RBBP6: variants seen among roughly 807,000 people sequenced by gnomAD.
RBBP6 encodes RB binding protein 6, ubiquitin ligase, also known as E3 ubiquitin-protein ligase RBBP6.
RBBP6 carries 25 observed loss-of-function variants against 167.7 expected under a neutral mutation model. The ratio of observed to expected loss-of-function variants is 0.15; its 90% CI spans 0.11 to 0.21. The LOEUF (loss-of-function observed/expected upper bound fraction) is 0.21, where lower values mean the gene tolerates loss of function less well. Among genes scored for constraint, RBBP6 ranks in the 10% least tolerant of loss-of-function variants. The pLI is 1.00. For synonymous variants in RBBP6, 789 were observed against 735.8 expected (o/e 1.07, Z -1.17); for missense variants, 1,868 against 2,134.2 (o/e 0.88, Z 2.46).
Position 24,569,629 on chromosome 16 carries a change from G to C in RBBP6, c.2939G>C (p.Arg980Thr), listed in dbSNP as rs1301181840. The C allele has an allele frequency of 6.2e-7, 1 of 1,612,544 alleles. No homozygotes were observed. The highest frequency in any genetic ancestry group is 1.7e-4 in the Middle Eastern group (1 of 6,054). The change falls in exon 17 of 18, where the codon AGA becomes ACA. Residue 980 changes from arginine to threonine, a missense_variant. By Grantham distance (71) the Arg-to-Thr change is moderately conservative. This residue lies in a region of RBBP6 where 673 missense variants were observed against 691.5 expected (regional missense o/e 0.97). Coordinates refer to ENST00000319715, the MANE Select transcript of RBBP6 (RefSeq NM_006910.5). ...KTDSLFVLPS[R>T]DDATPVRDEP... ...GACTCATTGTTTGTTCTCCCAAGTA[G>C]AGATGATGCCACACCTGTTAGAGAT...
intron 3 of RBBP6, 97 bp from the exon 4 acceptor site, chr16:24,553,416 C>A (rs2141463288): frequency 2.0e-6 from 2 of 989,546 alleles, no homozygotes; most frequent in Non-Finnish European, 1.6e-6. Context: ...AGAAAATGCC[C>A]AATATTTCAA....
Position 24,569,596 on chromosome 16 carries a change from A to C in RBBP6, c.2906A>C (p.Asn969Thr). 1 of 1,612,398 alleles carries C rather than the reference A, an allele frequency of 6.2e-7. No homozygotes were observed. Among genetic ancestry groups the C allele is most frequent in the Non-Finnish European group, 8.5e-7 (1 of 1,179,636 alleles). The change falls in exon 17 of 18, where the codon AAT (asparagine) becomes ACT (threonine). Residue 969 changes from asparagine to threonine, a missense_variant. Transcript: ENST00000319715. ...KSREPTGVEE[N>T]KTDSLFVLPS... ...AGAGAACCTACAGGTGTTGAAGAAA[A>C]TAAAACAGACTCATTGTTTGTTCTC...
At chr16:24,565,983 T>G (rs1899185805) in intron 14 of RBBP6, among the ~76,000 whole-genome samples, 1 of 152,186 alleles carries the variant, frequency 6.6e-6, no homozygotes, top group Non-Finnish European at 1.5e-5. Context: ...GAGGATCACT[T>G]GAGCTTAGGA....
Position 24,567,251 on chromosome 16 carries a change from G to C in RBBP6, c.1698G>C (p.Pro566=), listed in dbSNP as rs189300234. The C allele has an allele frequency of 2.0e-4, 329 of 1,613,948 alleles. No individual in the cohort carries two copies. In the East Asian group the frequency reaches 7.0e-3, roughly 34 times the overall value. ...CTGTTCCACCACCTCCTTTGTATCC[G>C]CCTCCTCCCCATACACTTCCTCTCC... ...FVPVPPPPLY[P]PPPHTLPLPP... The change falls in exon 15 of 18, where the codon CCG becomes CCC. Residue 566 remains proline, a synonymous_variant. Coordinates refer to ENST00000319715, the MANE Select transcript of RBBP6 (RefSeq NM_006910.5).
intron 7 of RBBP6, among the ~76,000 whole-genome samples, chr16:24,557,256 A>G (rs1248220512): frequency 1.3e-5 from 2 of 152,148 alleles, no homozygotes; most frequent in Admixed American, 1.3e-4. Context: ...TGCTGGGATT[A>G]CAGGCATGAG....
chr16:24,570,751 A>T, intron 17 of RBBP6, 125 bp from the exon 18 acceptor site: 1 of 911,592 alleles, frequency 1.1e-6, no homozygotes, highest in Non-Finnish European at 1.5e-6. Flanking sequence ...GGGCAGAATA[A>T]GTTTTTTGTT....
chr16:24,552,637 T>C (rs139283416), intron 3 of RBBP6, among the ~76,000 whole-genome samples: 12 of 151,964 alleles, frequency 7.9e-5, no homozygotes, highest in African/African-American at 2.9e-4. Flanking sequence ...TATTCCTCTT[T>C]GCACAGAACA....
chr16:24,552,981 G>A (rs1051180573), intron 3 of RBBP6: 1 of 151,816 alleles, frequency 6.6e-6, no homozygotes, highest in Non-Finnish European at 1.5e-5. Flanking sequence ...TTGACAAGAA[G>A]CTATTACTCT....
intron 3 of RBBP6, among the ~76,000 whole-genome samples, chr16:24,552,149 A>G (rs1044778742): frequency 5.9e-5 from 9 of 151,854 alleles, no homozygotes; most frequent in African/African-American, 1.9e-4. Flanking sequence ...CTGAATAAAC[A>G]TCCCAGTAAT....
At position 24,571,416 on chromosome 16, in the gene RBBP6, T is replaced by C. The variant is rs1225899698; in HGVS notation, c.4350T>C (p.Ala1450=). 6.2e-7 allele frequency: 1 copy of C among 1,613,746 alleles called. No homozygotes were observed. The highest frequency in any genetic ancestry group is 8.5e-7 in the Non-Finnish European group (1 of 1,179,960). The change falls in exon 18 of 18, where the codon GCT becomes GCC. Residue 1450 remains alanine (A), a synonymous_variant. Transcript: ENST00000319715. ...FKSLSQSSKE[A]RTSDKHDSTR... ...GTCTGTCTCAATCTTCCAAAGAGGC[T>C]AGAACGTCAGATAAACATGATTCCA...
chr16:24,571,736 A>G lies in RBBP6; in HGVS notation c.4670A>G (p.Glu1557Gly), dbSNP rs760355765. ...ATYDTKRPNEETKSVDKNPCK... is the reference protein window; with the variant it reads ...ATYDTKRPNEGTKSVDKNPCK... ...TATGATACTAAACGGCCAAATGAAGAGACAAAATCTGTAGATAAAAATCCT... is the reference window on the plus strand; with the variant it reads ...TATGATACTAAACGGCCAAATGAAGGGACAAAATCTGTAGATAAAAATCCT... Residue 1557 changes from glutamate (E) to glycine (G), a missense_variant, in exon 18 of 18, where the codon GAG (glutamate) becomes GGG (glycine). Coordinates refer to ENST00000319715, the MANE Select transcript of RBBP6 (RefSeq NM_006910.5). 3.9e-5 allele frequency: 63 copies of G among 1,614,052 alleles called. No individual in the cohort carries two copies. Among genetic ancestry groups the G allele is most frequent in the Non-Finnish European group, 5.3e-5 (62 of 1,180,032 alleles).
intron 1 of RBBP6, among the ~76,000 whole-genome samples, chr16:24,543,115 G>T (rs781459138): frequency 2.6e-5 from 4 of 152,038 alleles, no homozygotes; most frequent in Non-Finnish European, 4.4e-5. Flanking sequence ...ATGCCATTTG[G>T]TTTTAGCACC....
chr16:24,560,171 G>A (rs976160607), intron 8 of RBBP6, among the ~76,000 whole-genome samples: 2 of 142,434 alleles, frequency 1.4e-5, no homozygotes, highest in Admixed American at 7.3e-5. Flanking sequence ...GTGCAGTGGT[G>A]TAATCTCGGC....
intron 8 of RBBP6, 91 bp downstream of exon 8, chr16:24,559,768 AAAAT>A: frequency 3.5e-6 from 4 of 1,140,548 alleles, no homozygotes; most frequent in South Asian, 2.2e-5. Flanking sequence ...TTTTAATAAT[AAAAT>A]AAATAATGTT....
In RBBP6 at chr16:24,548,876, G is replaced by T. The variant is rs933921826; in HGVS notation, c.267-69G>T. On this transcript the variant is annotated intron_variant, in intron 2 of 17. Transcript: ENST00000319715. ...AAAAATGTATTATTGAAGATAATGT[G>T]TTAAAATTTATTAGCACAAAAATTC... 24 of 1,333,626 alleles carry T rather than the reference G, an allele frequency of 1.8e-5. No homozygotes were observed. The Admixed American group carries it at 4.9e-4, about 27-fold the overall frequency. The allele number at this position is 1,333,626 out of a possible 1,614,324, so 82.6% of individuals were successfully genotyped here. A position where few individuals can be genotyped will look rare whatever the true frequency, so the allele number is the denominator to read the frequency against.
At chr16:24,553,608 AT>A (rs764504007) in intron 4 of RBBP6, 51 bp downstream of exon 4, 19 of 1,421,190 alleles carry the variant, frequency 1.3e-5, no homozygotes, top group Admixed American at 6.0e-5. Context: ...CTAACATCAT[AT>A]TTTTTTATGT....
Position 24,570,875 on chromosome 16 carries a change from G to T in RBBP6, c.3810-1G>T. The T allele has an allele frequency of 2.0e-6, 3 of 1,465,126 alleles. No individual in the cohort carries two copies. The highest frequency in any genetic ancestry group is 1.6e-5 in the South Asian group (1 of 63,396). The allele number at this position is 1,465,126 out of a possible 1,614,324, so 90.8% of individuals were successfully genotyped here. On this transcript the variant is annotated splice_acceptor_variant, in intron 17 of 17. Transcript: ENST00000319715. LOFTEE classifies it high-confidence loss of function. The stretch of plus-strand genomic sequence containing the variant: ...TAAAAATATTTTGTTATTCTTTTTA[G>T]TACGAGCTCAACTGGAGGCAGTCCT...
At chr16:24,551,861 C>T (rs1297749337) in intron 3 of RBBP6, among the ~76,000 whole-genome samples, 1 of 151,642 alleles carries the variant, frequency 6.6e-6, no homozygotes, top group African/African-American at 2.4e-5. Context: ...TTGTCTAGTC[C>T]TTGTTACTTA....
At chr16:24,567,101 C>T (rs1899212777) in intron 14 of RBBP6, 42 bp from the exon 15 acceptor site, 4 of 1,566,716 alleles carry the variant, frequency 2.6e-6, no homozygotes, top group Non-Finnish European at 3.5e-6. Flanking sequence ...TCTCAGATGA[C>T]TTTAGTTTGA....
Sources: allele counts gnomAD v4.1 joint callset (sites outside exome capture counted in the v4.1 genomes callset), GRCh38; gene constraint gnomAD v4.1.1; regional missense constraint gnomAD v4.1.1; transcripts MANE v1.5; gene names NCBI Gene and HGNC (gene_info 2026-07-23, HGNC 2026-07-21).